Variants in CSMD1 observed in about 807,000 individuals in gnomAD.
CSMD1 encodes the protein CUB and Sushi multiple domains 1, also known as CUB and sushi domain-containing protein 1.
In CSMD1, 213 loss-of-function variants were observed where a neutral mutation model predicts 417.5. The observed-to-expected ratio is 0.51, with a 90% CI of 0.46 to 0.57. CSMD1 has a LOEUF of 0.57. Among genes scored for constraint, CSMD1 ranks in the 20% least tolerant of loss-of-function variants. The pLI is 0.00. For synonymous variants in CSMD1, 2,862 were observed against 1,736.8 expected (o/e 1.65, Z -16.11); for missense variants, 6,923 against 4,529.7 (o/e 1.53, Z -15.17).
intron 1 of CSMD1, among the ~76,000 whole-genome samples, chr8:4,902,088 T>G (rs1643161748): frequency 6.6e-6 from 1 of 152,176 alleles, no homozygotes; most frequent in Admixed American, 6.5e-5. Flanking sequence ...GTATATTTGT[T>G]GATTTTCATC....
rs866371216 is a variant in CSMD1, at chr8:4,612,552, G to A, written c.302+24790C>T. On this transcript the variant is annotated intron_variant, in intron 2 of 69. Coordinates refer to ENST00000635120, the MANE Select transcript of CSMD1 (RefSeq NM_033225.6). ...CATTTTAAGCTTTCTCCACACCGAG[G>A]AACTGGAGGAACAGTGGAATGAATG... is the stretch of plus-strand genomic sequence containing the variant. Among the ~76,000 whole-genome samples, 47 of 152,234 alleles carry A rather than the reference G, an allele frequency of 3.1e-4. 1 individual carries two copies. The highest frequency in any genetic ancestry group is 2.0e-3 in the Admixed American group (30 of 15,290).
At chr8:3,756,821 T>C (rs371074614) in intron 5 of CSMD1, among the ~76,000 whole-genome samples, 1 of 151,532 alleles carries the variant, frequency 6.6e-6, no homozygotes, top group East Asian at 1.9e-4. Context: ...CTTGAGACAG[T>C]GTCTTGCTCT....
At chr8:4,246,659 A>G (rs186024327) in intron 3 of CSMD1, among the ~76,000 whole-genome samples, 1 of 152,322 alleles carries the variant, frequency 6.6e-6, no homozygotes, top group East Asian at 1.9e-4. Context: ...GGCAAGCAAA[A>G]GAAACAAAAA....
intron 10 of CSMD1, among the ~76,000 whole-genome samples, chr8:3,528,857 A>G (rs1797862144): frequency 6.6e-6 from 1 of 152,234 alleles, no homozygotes; most frequent in South Asian, 2.1e-4. Flanking sequence ...CAACTAAATG[A>G]GTTTTAATAC....
intron 50 of CSMD1, among the ~76,000 whole-genome samples, chr8:3,037,759 G>A (rs1046247161): frequency 1.3e-5 from 2 of 152,288 alleles, no homozygotes; most frequent in East Asian, 3.9e-4. Context: ...CCAATTAATA[G>A]AGTTTTAAAG....
intron 3 of CSMD1, among the ~76,000 whole-genome samples, chr8:4,108,687 C>A (rs77573171): frequency 3.9e-5 from 6 of 152,106 alleles, no homozygotes; most frequent in African/African-American, 1.2e-4. Flanking sequence ...CCTTTTAGAA[C>A]AGTTAAGCAG....
At chr8:3,488,841 G>C (rs1339999951) in intron 11 of CSMD1, among the ~76,000 whole-genome samples, 1 of 152,102 alleles carries the variant, frequency 6.6e-6, no homozygotes, top group Non-Finnish European at 1.5e-5. Flanking sequence ...ATAATATACA[G>C]AAAAATAATT....
At chr8:4,600,878 A>G (rs1308338792) in intron 2 of CSMD1, among the ~76,000 whole-genome samples, 1 of 152,222 alleles carries the variant, frequency 6.6e-6, no homozygotes, top group Non-Finnish European at 1.5e-5. Context: ...CGCCACATTT[A>G]TACAGACTGT....
rs58002310 is a variant in CSMD1, at chr8:4,446,755, CTGTGTGTGTGTGTGTG to C, written c.303-26706_303-26691del. 4.0e-3 allele frequency among the ~76,000 whole-genome samples: 534 copies of C among 133,018 alleles called. 4 individuals are homozygous for C. The highest frequency in any genetic ancestry group is 0.023 in the South Asian group (93 of 4,092). 87.3% of individuals were successfully genotyped at this position (133,018 alleles called of 152,430 possible). A position where few individuals can be genotyped will look rare whatever the true frequency, so the allele number is the denominator to read the frequency against. Reference sequence around the variant, plus strand: ...TGTCTGTGTGTGTGTGTGTGTGTGTCTGTGTGTGTGTGTGTGTGTGTGTGTGTGTGTGTGTGTGTGT... The same window carrying C: ...TGTCTGTGTGTGTGTGTGTGTGTGTCTGTGTGTGTGTGTGTGTGTGTGTGT... On this transcript the variant is annotated intron_variant, in intron 2 of 69. Transcript: ENST00000635120.
chr8:4,360,558 C>G (rs920348388), intron 3 of CSMD1, among the ~76,000 whole-genome samples: 2 of 152,140 alleles, frequency 1.3e-5, no homozygotes, highest in African/African-American at 2.4e-5. Flanking sequence ...GGCGCGATCT[C>G]GGCTCACTGC....
chr8:4,974,919 G>A (rs1428873536), intron 1 of CSMD1, among the ~76,000 whole-genome samples: 1 of 152,150 alleles, frequency 6.6e-6, no homozygotes, highest in Non-Finnish European at 1.5e-5. Flanking sequence ...TTGATATACT[G>A]GGGTTTAAAG....
chr8:3,033,104 T>C (rs972850363), intron 50 of CSMD1, among the ~76,000 whole-genome samples: 3 of 151,794 alleles, frequency 2.0e-5, no homozygotes, highest in Admixed American at 6.6e-5. Flanking sequence ...ACAGTTTCTA[T>C]AAAAAAAATT....
intron 10 of CSMD1, among the ~76,000 whole-genome samples, chr8:3,564,761 A>C (rs2116883318): frequency 6.6e-6 from 1 of 152,180 alleles, no homozygotes; most frequent in African/African-American, 2.4e-5. Context: ...AACCCAAAAA[A>C]CCACAATCGA....
chr8:4,494,058 G>A, intron 2 of CSMD1, among the ~76,000 whole-genome samples: 1 of 152,144 alleles, frequency 6.6e-6, no homozygotes, highest in East Asian at 1.9e-4. Flanking sequence ...GTATTCTTGG[G>A]TCCCATCCTA....
At chr8:3,710,889 G>C (rs1450030275) in intron 6 of CSMD1, among the ~76,000 whole-genome samples, 1 of 152,124 alleles carries the variant, frequency 6.6e-6, no homozygotes, top group Non-Finnish European at 1.5e-5. Context: ...ACTGGCTGGG[G>C]AGCATGGAGA....
chr8:3,952,239 G>A (rs1811644738), intron 5 of CSMD1, among the ~76,000 whole-genome samples: 1 of 152,048 alleles, frequency 6.6e-6, no homozygotes, highest in Non-Finnish European at 1.5e-5. Flanking sequence ...GATGGTATGG[G>A]CCTTCCTCAC....
At chr8:3,093,404 C>T (rs891403188) in intron 47 of CSMD1, among the ~76,000 whole-genome samples, 1 of 152,152 alleles carries the variant, frequency 6.6e-6, no homozygotes, top group Non-Finnish European at 1.5e-5. Flanking sequence ...TGGTGGCTCA[C>T]ACCTGTAATC....
At chr8:4,731,730 C>T (rs1324758021) in intron 1 of CSMD1, among the ~76,000 whole-genome samples, 1 of 152,126 alleles carries the variant, frequency 6.6e-6, no homozygotes, top group Non-Finnish European at 1.5e-5. Flanking sequence ...CCAGGAACAG[C>T]AGCCACAGCA....
intron 5 of CSMD1, among the ~76,000 whole-genome samples, chr8:3,772,766 G>A (rs1798687892): frequency 1.3e-5 from 2 of 149,436 alleles, no homozygotes; most frequent in East Asian, 2.0e-4. Flanking sequence ...AATATTGAAC[G>A]AATGTCTGGT....
Sources: gnomAD v4.1 joint callset for allele counts (sites outside exome capture counted in the v4.1 genomes callset) on GRCh38, gnomAD v4.1.1 for gene constraint, MANE v1.5 for transcripts, NCBI Gene and HGNC (gene_info 2026-07-23, HGNC 2026-07-21) for gene names.